Variants in GUCY1A1 observed in about 807,000 individuals in gnomAD.
GUCY1A1 encodes guanylate cyclase soluble subunit alpha-1.
In GUCY1A1, 48 loss-of-function variants were observed where a neutral mutation model predicts 64.5. That is an observed-to-expected ratio of 0.74 (90% confidence interval 0.59 to 0.95). The LOEUF (loss-of-function observed/expected upper bound fraction) is 0.95. Among genes scored for constraint, GUCY1A1 ranks in the 40% least tolerant of loss-of-function variants. The probability of loss-of-function intolerance (pLI) is 0.00; values close to 1 mark genes in which losing one functional copy is unlikely to be tolerated. For missense variants in GUCY1A1, 804 were observed against 825.3 expected (o/e 0.97, Z 0.32); for synonymous variants, 308 against 303.4 (o/e 1.02, Z -0.16).
rs1735482600 is a variant in GUCY1A1, at chr4:155,731,013, A to T, written c.*782A>T. ...ATTCATTTTACTATCATAATAGCAA[A>T]GTATTCAGAATAAAAGAGGTTTATA... is the stretch of plus-strand genomic sequence containing the variant. On this transcript the variant is annotated 3_prime_UTR_variant, in exon 10 of 10. Transcript: ENST00000506455. 1 of 153,424 alleles carries T rather than the reference A, an allele frequency of 6.5e-6. No individual in the cohort carries two copies. Among genetic ancestry groups the T allele is most frequent in the Non-Finnish European group, 1.5e-5 (1 of 67,876 alleles). The allele number at this position is 153,424 out of a possible 1,614,324, so 9.5% of individuals were successfully genotyped here.
chr4:155,707,862 C>T (rs1732001764), intron 4 of GUCY1A1, among the ~76,000 whole-genome samples: 1 of 141,360 alleles, frequency 7.1e-6, no homozygotes, highest in Non-Finnish European at 1.5e-5. Context: ...GACAGTTTCC[C>T]TGTGTTGGCC....
intron 3 of GUCY1A1, among the ~76,000 whole-genome samples, chr4:155,701,420 T>C (rs1313017789): frequency 1.3e-5 from 2 of 152,122 alleles, no homozygotes; most frequent in Non-Finnish European, 2.9e-5. Context: ...ACAATGATAG[T>C]GTATACGTTA....
Position 155,732,149 on chromosome 4 carries a change from A to G in GUCY1A1, c.*1918A>G, listed in dbSNP as rs1019934829. On this transcript the variant is annotated 3_prime_UTR_variant, in exon 10 of 10. Coordinates refer to ENST00000506455, the MANE Select transcript of GUCY1A1 (RefSeq NM_001130682.3). ...TTCAGCAGACCTCAATTTGCTTACA[A>G]TCTGTACTCAAAAAGTTTATAATTC... 1.3e-5 allele frequency: 2 copies of G among 151,868 alleles called. No individual in the cohort carries two copies. Among genetic ancestry groups the G allele is most frequent in the Non-Finnish European group, 2.9e-5 (2 of 67,882 alleles). The allele number at this position is 151,868 out of a possible 1,614,324, so 9.4% of individuals were successfully genotyped here.
chr4:155,736,248 C>A lies in GUCY1A1; in HGVS notation c.*6017C>A, dbSNP rs1736044450. ...ATGAGCATGAATATAAATAGAAATT[C>A]TAGTATTTTCTTCACCTACCCCAGT... On this transcript the variant is annotated 3_prime_UTR_variant, in exon 10 of 10. Coordinates refer to ENST00000506455, the MANE Select transcript of GUCY1A1 (RefSeq NM_001130682.3). 6.6e-6 allele frequency: 1 copy of A among 151,890 alleles called. No homozygotes were observed. The highest frequency in any genetic ancestry group is 1.5e-5 in the Non-Finnish European group (1 of 67,910). The allele number at this position is 151,890 out of a possible 1,614,324, so 9.4% of individuals were successfully genotyped here.
At chr4:155,687,707 A>T (rs1729172886) in intron 2 of GUCY1A1, among the ~76,000 whole-genome samples, 1 of 152,174 alleles carries the variant, frequency 6.6e-6, no homozygotes, top group Non-Finnish European at 1.5e-5. Flanking sequence ...AGTTCAGTTA[A>T]GAACTTCACT....
In GUCY1A1 at chr4:155,735,300, C is replaced by A. The variant is rs191802625; in HGVS notation, c.*5069C>A. 1 of 151,754 alleles carries A rather than the reference C, an allele frequency of 6.6e-6. No individual in the cohort carries two copies. Among genetic ancestry groups the A allele is most frequent in the African/African-American group, 2.4e-5 (1 of 41,422 alleles). 9.4% of individuals were successfully genotyped at this position (151,754 alleles called of 1,614,324 possible). On this transcript the variant is annotated 3_prime_UTR_variant, in exon 10 of 10. Coordinates refer to ENST00000506455, the MANE Select transcript of GUCY1A1 (RefSeq NM_001130682.3). ...AAAAGTTTTATCAATGTGTAGATTTCAATCAGAAAAACCTAAGCAAAAGGA... is the reference window on the plus strand; with the variant it reads ...AAAAGTTTTATCAATGTGTAGATTTAAATCAGAAAAACCTAAGCAAAAGGA...
Position 155,713,114 on chromosome 4 carries a change from G to A in GUCY1A1, c.1103G>A (p.Gly368Asp), listed in dbSNP as rs1217563039. Residue 368 changes from glycine (G) to aspartate (D), a missense_variant, in exon 7 of 10, where the codon GGC becomes GAC. By Grantham distance (94) the Gly-to-Asp change is moderately conservative. Coordinates refer to ENST00000506455, the MANE Select transcript of GUCY1A1 (RefSeq NM_001130682.3). ...KKSSRVMDLK[G>D]QMIYIVESSA... ...CCTTCATAGGTTATGGACCTCAAAG[G>A]CCAAATGATCTACATTGTTGAATCC... 6.2e-7 allele frequency: 1 copy of A among 1,611,342 alleles called. No homozygotes were observed.
chr4:155,728,532 A>T (rs756039352), intron 9 of GUCY1A1, among the ~76,000 whole-genome samples: 26 of 152,014 alleles, frequency 1.7e-4, no homozygotes, highest in Non-Finnish European at 2.8e-4. Context: ...CTTTATACAT[A>T]TGTCTTTAGA....
At chr4:155,713,692 T>C (rs71605258) in intron 7 of GUCY1A1, 109 bp downstream of exon 7, 51,111 of 1,189,238 alleles carry the variant, frequency 0.043, 1,289 homozygotes, top group Middle Eastern at 0.052. Context: ...CTCTGTAGGG[T>C]CTTGCAAGCC....
rs148213022 is a variant in GUCY1A1, at chr4:155,709,227, A to C, written c.376+933A>C. ...ACACCTTCTTACATTCACTCGTGAT[A>C]AAAACTGGACATCTGCCACCAAAGG... On this transcript the variant is annotated intron_variant, in intron 5 of 9. Transcript: ENST00000506455. 3.3e-3 allele frequency among the ~76,000 whole-genome samples: 508 copies of C among 152,212 alleles called. 2 individuals are homozygous for C. Among genetic ancestry groups the C allele is most frequent in the African/African-American group, 0.012 (492 of 41,536 alleles).
Position 155,697,130 on chromosome 4 carries a change from C to A in GUCY1A1, c.255+8C>A. 1 of 1,601,584 alleles carries A rather than the reference C, an allele frequency of 6.2e-7. No individual in the cohort carries two copies. The highest frequency in any genetic ancestry group is 8.5e-7 in the Non-Finnish European group (1 of 1,170,906). On this transcript the variant is annotated splice_region_variant and intron_variant, in intron 3 of 9. Coordinates refer to ENST00000506455, the MANE Select transcript of GUCY1A1 (RefSeq NM_001130682.3). ...AAACTGATTTTCCCAGAGGTGAGTGCGTGCTCTTTAGATTTTGAAATTGTA... is the reference window on the plus strand; with the variant it reads ...AAACTGATTTTCCCAGAGGTGAGTGAGTGCTCTTTAGATTTTGAAATTGTA...
chr4:155,729,900 G>A (rs901082562), intron 9 of GUCY1A1, 130 bp from the exon 10 acceptor site: 1 of 606,828 alleles, frequency 1.6e-6, no homozygotes, highest in Non-Finnish European at 2.9e-6. Flanking sequence ...AATCTCGTTA[G>A]ACTTTTTCTG....
At chr4:155,708,687 G>C (rs904010788) in intron 5 of GUCY1A1, among the ~76,000 whole-genome samples, 2 of 152,132 alleles carry the variant, frequency 1.3e-5, no homozygotes, top group Admixed American at 6.5e-5. Context: ...TTAATGATTA[G>C]TTTGAGAGAA....
At chr4:155,729,148 G>A (rs1735178398) in intron 9 of GUCY1A1, among the ~76,000 whole-genome samples, 1 of 151,780 alleles carries the variant, frequency 6.6e-6, no homozygotes, top group African/African-American at 2.4e-5. Context: ...TTACAGACTA[G>A]TGAGTAGAAG....
At chr4:155,681,315 A>G (rs2625275) in intron 2 of GUCY1A1, among the ~76,000 whole-genome samples, 67,990 of 151,918 alleles carry the variant, frequency 0.45, 15,535 homozygotes, top group African/African-American at 0.51. Flanking sequence ...TGTGCTCTGT[A>G]TAGTAAGTAT....
At chr4:155,717,760 A>G (rs940817242) in intron 8 of GUCY1A1, among the ~76,000 whole-genome samples, 4 of 152,164 alleles carry the variant, frequency 2.6e-5, no homozygotes, top group Admixed American at 1.3e-4. Flanking sequence ...ATCATGACTT[A>G]CAAAATGAGT....
intron 6 of GUCY1A1, among the ~76,000 whole-genome samples, chr4:155,712,271 A>G (rs1305576126): frequency 6.6e-6 from 1 of 152,186 alleles, no homozygotes; most frequent in Admixed American, 6.5e-5. Flanking sequence ...AGCTGGGATT[A>G]CAGGCTTGCA....
At chr4:155,723,030 C>A (rs1424171665) in intron 9 of GUCY1A1, among the ~76,000 whole-genome samples, 3 of 152,128 alleles carry the variant, frequency 2.0e-5, no homozygotes, top group African/African-American at 7.2e-5. Context: ...TAACACAAAA[C>A]CCCAACCTTC....
rs190032213 is a variant in GUCY1A1 at position 155,689,361 on chromosome 4, T to A, written c.-112-7395T>A. On this transcript the variant is annotated intron_variant, in intron 2 of 9. Transcript: ENST00000506455. The stretch of plus-strand genomic sequence containing the variant: ...TTTATATATTTTAGGGAAAATTGGT[T>A]GAAAAGTTTATCTGATTTCCTCATG... Among the ~76,000 whole-genome samples the A allele has an allele frequency of 3.3e-5, 5 of 152,232 alleles. No individual in the cohort carries two copies. The East Asian group carries it at 9.6e-4, about 29-fold the overall frequency.
Sources: allele counts gnomAD v4.1 joint callset (sites outside exome capture counted in the v4.1 genomes callset), GRCh38; gene constraint gnomAD v4.1.1; transcripts MANE v1.5; gene names NCBI Gene and HGNC (gene_info 2026-07-23, HGNC 2026-07-21).